The following ZNF721 variants were observed in gnomAD, a reference collection of about 807,000 sequenced individuals.
The protein encoded by ZNF721 is zinc finger protein 721.
ZNF721 carries 2 observed loss-of-function variants against 2.4 expected under a neutral mutation model. The observed-to-expected ratio is 0.82, with a 90% CI of 0.34 to 2.58. The LOEUF is 2.58. Ranked by LOEUF, ZNF721 falls within the 30% of genes most tolerant of loss-of-function variation. ZNF721 has a pLI of 0.11. For missense variants in ZNF721, 1,187 were observed against 1,085.5 expected, an observed-to-expected ratio of 1.09 and a Z score of -1.31; for synonymous variants, 398 against 381.8, an observed-to-expected ratio of 1.04 and a Z score of -0.50.
At chr4:473,581 A>G (rs1027479662) in intron 1 of ZNF721, among the ~76,000 whole-genome samples, 9 of 152,094 alleles carry the variant, frequency 5.9e-5, no homozygotes, top group Non-Finnish European at 1.2e-4. Flanking sequence ...GCGCTGCCCC[A>G]TTAATGAGTC....
intron 1 of ZNF721, among the ~76,000 whole-genome samples, chr4:481,512 A>T (rs1715768366): frequency 1.3e-5 from 2 of 152,140 alleles, no homozygotes; most frequent in African/African-American, 4.8e-5. Flanking sequence ...TCCATTTATT[A>T]AAAATCAAGT....
intron 2 of ZNF721, among the ~76,000 whole-genome samples, chr4:466,663 ATAT>A (rs1553866807): frequency 6.6e-6 from 1 of 152,194 alleles, no homozygotes; most frequent in African/African-American, 2.4e-5. Flanking sequence ...GATGGATGAG[ATAT>A]CAAAAAAACA....
At chr4:470,511 C>T (rs895862765) in intron 2 of ZNF721, among the ~76,000 whole-genome samples, 3 of 152,028 alleles carry the variant, frequency 2.0e-5, no homozygotes, top group Admixed American at 6.6e-5. Flanking sequence ...GTCAGAAGAT[C>T]GAGACCGGCC....
intron 2 of ZNF721, among the ~76,000 whole-genome samples, chr4:465,129 ACCTAGCACTTTGGGAGG>A (rs1553866585): frequency 6.7e-6 from 1 of 150,274 alleles, no homozygotes; most frequent in South Asian, 2.1e-4. Context: ...ATGCCTGTAA[ACCTAGCACTTTGGGAGG>A]CCATGGCAGG....
In ZNF721 at chr4:446,404, A is replaced by C. The variant is rs372444672; in HGVS notation, c.35-1972T>G. 5.1e-3 allele frequency among the ~76,000 whole-genome samples: 759 copies of C among 147,700 alleles called. 14 individuals are homozygous for C. In the South Asian group the frequency reaches 0.063, roughly 12 times the overall value. On this transcript the variant is annotated intron_variant, in intron 2 of 2. Transcript: ENST00000511833. Reference sequence around the variant, plus strand: ...TTCTTTTTTTTTTTTTTTTTGAGACAGAGTCTCACTCTGTCACCCAGACTG... The same window carrying C: ...TTCTTTTTTTTTTTTTTTTTGAGACCGAGTCTCACTCTGTCACCCAGACTG...
intron 2 of ZNF721, among the ~76,000 whole-genome samples, chr4:470,278 TGGAAAAACC>T (rs1553867427): frequency 6.6e-6 from 1 of 152,064 alleles, no homozygotes. Flanking sequence ...ACAAAACATA[TGGAAAAACC>T]TTGATACTGG....
chr4:446,899 C>G (rs1162177538), intron 2 of ZNF721, among the ~76,000 whole-genome samples: 1 of 151,682 alleles, frequency 6.6e-6, no homozygotes, highest in Admixed American at 6.6e-5. Flanking sequence ...ACATGTTGAC[C>G]AGGATGGTCT....
chr4:489,756 C>T (rs1437938649), intron 1 of ZNF721, among the ~76,000 whole-genome samples: 1 of 152,168 alleles, frequency 6.6e-6, no homozygotes, highest in Non-Finnish European at 1.5e-5. Flanking sequence ...AAATGTGCTG[C>T]AAATGTAAAA....
In ZNF721 at chr4:441,980, TCTC is replaced by T. The variant is rs782595747; in HGVS notation, c.2484_2486del (p.Arg829del). On this transcript the variant is annotated inframe_deletion, in exon 3 of 3. Transcript: ENST00000511833. ...TGTAGGGTTTCTCTCCAGTATGAATTCTCCTATGTTTAGTAAGGGTTGTGGAAC... is the reference window on the plus strand; with the variant it reads ...TGTAGGGTTTCTCTCCAGTATGAATTCTATGTTTAGTAAGGGTTGTGGAAC... 17 of 1,613,750 alleles carry T rather than the reference TCTC, an allele frequency of 1.1e-5. No homozygotes were observed. Among genetic ancestry groups the T allele is most frequent in the African/African-American group, 2.7e-5 (2 of 74,912 alleles).
intron 1 of ZNF721, among the ~76,000 whole-genome samples, chr4:488,725 G>A (rs1197707699): frequency 1.3e-5 from 2 of 152,070 alleles, no homozygotes; most frequent in African/African-American, 2.4e-5. Flanking sequence ...AGCTACTCAG[G>A]AGGCTGAGGC....
At chr4:497,581 T>G (rs1447101683) in intron 1 of ZNF721, among the ~76,000 whole-genome samples, 1 of 151,964 alleles carries the variant, frequency 6.6e-6, no homozygotes, top group Non-Finnish European at 1.5e-5. Context: ...TCACGAGATA[T>G]CAATCATATG....
At chr4:455,315 C>T (rs1436979207) in intron 2 of ZNF721, among the ~76,000 whole-genome samples, 3 of 152,186 alleles carry the variant, frequency 2.0e-5, no homozygotes, top group African/African-American at 7.2e-5. Flanking sequence ...CACCTGTAAT[C>T]CTAGCACTTT....
intron 2 of ZNF721, among the ~76,000 whole-genome samples, chr4:466,252 C>T (rs552412862): frequency 4.6e-5 from 7 of 152,324 alleles, no homozygotes; most frequent in African/African-American, 1.7e-4. Context: ...TGTGCACTCG[C>T]ACACATGCTG....
rs551020814 is a variant in ZNF721, at chr4:441,642, T to A, written c.*53A>T. On this transcript the variant is annotated 3_prime_UTR_variant, in exon 3 of 3. Transcript: ENST00000511833. ...TCGTAAGACATTCCCCTGGTATGAG[T>A]TCTCTTATGTTTAAGAATGCTGTAG... is the stretch of plus-strand genomic sequence containing the variant. 324 of 1,439,244 alleles carry A rather than the reference T, an allele frequency of 2.3e-4. No homozygotes were observed. In the South Asian group the frequency reaches 4.1e-3, roughly 18 times the overall value. 89.2% of individuals were successfully genotyped at this position (1,439,244 alleles called of 1,614,324 possible). A position where few individuals can be genotyped will look rare whatever the true frequency, so the allele number is the denominator to read the frequency against.
intron 1 of ZNF721, among the ~76,000 whole-genome samples, chr4:498,825 AG>A (rs1716480033): frequency 6.6e-6 from 1 of 151,136 alleles, no homozygotes. Flanking sequence ...CCCAGGTTCA[AG>A]CGATTCTCCT....
At chr4:447,813 TAATAAAAAC>T (rs2108691550) in intron 2 of ZNF721, among the ~76,000 whole-genome samples, 1 of 146,404 alleles carries the variant, frequency 6.8e-6, no homozygotes, top group African/African-American at 2.6e-5. Context: ...CATTAAACAA[TAATAAAAAC>T]GTTCCTTTAC....
chr4:471,112 AG>A (rs1238292859), intron 2 of ZNF721, among the ~76,000 whole-genome samples: 1 of 151,984 alleles, frequency 6.6e-6, no homozygotes, highest in Non-Finnish European at 1.5e-5. Flanking sequence ...GCAAAAGGTT[AG>A]ATTTTTTTTC....
rs1480982747 is a variant in ZNF721, at chr4:457,608, C to G, written c.35-13176G>C. On this transcript the variant is annotated intron_variant, in intron 2 of 2. Coordinates refer to ENST00000511833, the MANE Select transcript of ZNF721 (RefSeq NM_133474.4). The stretch of plus-strand genomic sequence containing the variant: ...ATCTCTGAATTAGCCCAAAATCCAC[C>G]CTTTGCACATATCAGTCATGGTGTG... Among the ~76,000 whole-genome samples the G allele has an allele frequency of 3.3e-5, 5 of 152,152 alleles. No individual in the cohort carries two copies. The East Asian group carries it at 7.7e-4, about 23-fold the overall frequency.
chr4:450,986 T>A, intron 2 of ZNF721, among the ~76,000 whole-genome samples: 4 of 96,772 alleles, frequency 4.1e-5, no homozygotes, highest in Admixed American at 1.1e-4. Context: ...TATATATATA[T>A]ATATATATAT....
Sources: gnomAD v4.1 joint callset for allele counts (sites outside exome capture counted in the v4.1 genomes callset) on GRCh38, gnomAD v4.1.1 for gene constraint, MANE v1.5 for transcripts, NCBI Gene and HGNC (gene_info 2026-07-23, HGNC 2026-07-21) for gene names.